Variants in FBXL20 observed in about 807,000 individuals in gnomAD.
FBXL20 encodes the protein F-box and leucine rich repeat protein 20.
In FBXL20, 11 loss-of-function variants were observed where a neutral mutation model predicts 64.0. The ratio of observed to expected loss-of-function variants is 0.17; its 90% CI spans 0.11 to 0.28. The LOEUF is 0.28. Among genes scored for constraint, FBXL20 ranks in the 10% least tolerant of loss-of-function variants. The pLI is 1.00. For missense variants in FBXL20, 303 were observed against 526.2 expected (o/e 0.58, Z 4.15); for synonymous variants, 184 against 189.0 (o/e 0.97, Z 0.22).
At chr17:39,335,141 CA>C (rs1329862935) in intron 2 of FBXL20, among the ~76,000 whole-genome samples, 1 of 152,146 alleles carries the variant, frequency 6.6e-6, no homozygotes, top group Admixed American at 6.6e-5. Flanking sequence ...CAGATAATCT[CA>C]AGTCGTAAAA....
chr17:39,262,260 T>G (rs1184395894), intron 14 of FBXL20, among the ~76,000 whole-genome samples: 1 of 152,080 alleles, frequency 6.6e-6, no homozygotes. Context: ...CTCAAGGCCA[T>G]GTGGCCAACG....
intron 9 of FBXL20, among the ~76,000 whole-genome samples, chr17:39,279,226 A>T (rs1296794893): frequency 1.3e-5 from 2 of 152,110 alleles, no homozygotes; most frequent in African/African-American, 4.8e-5. Flanking sequence ...GGAAGAGCCC[A>T]GGTAGCTCAC....
At chr17:39,277,533 G>T (rs186015917) in intron 9 of FBXL20, among the ~76,000 whole-genome samples, 56 of 152,180 alleles carry the variant, frequency 3.7e-4, no homozygotes, top group Admixed American at 3.3e-3. Context: ...GAGGTGGGCA[G>T]ATCACTTGAG....
chr17:39,343,329 G>GA (rs1488523558), intron 1 of FBXL20, 88 bp from the exon 2 acceptor site: 1 of 901,124 alleles, frequency 1.1e-6, no homozygotes, highest in African/African-American at 1.7e-5. Flanking sequence ...ATTCTCTCAG[G>GA]AAAGAGGTAA....
At chr17:39,339,377 G>C (rs2047560352) in intron 2 of FBXL20, among the ~76,000 whole-genome samples, 1 of 152,082 alleles carries the variant, frequency 6.6e-6, no homozygotes, top group Non-Finnish European at 1.5e-5. Context: ...TGAGATGGAA[G>C]GATCACTTCA....
chr17:39,379,271 T>C (rs1202634133), intron 1 of FBXL20, among the ~76,000 whole-genome samples: 1 of 151,352 alleles, frequency 6.6e-6, no homozygotes, highest in African/African-American at 2.4e-5. Flanking sequence ...AAAATAACAA[T>C]TGTTGGCAGG....
chr17:39,361,888 C>A (rs11869259), intron 1 of FBXL20, among the ~76,000 whole-genome samples: 57,592 of 151,380 alleles, frequency 0.38, 14,051 homozygotes, highest in African/African-American at 0.7. Context: ...GCCCGAGCCC[C>A]GGAGTTCAAG....
chr17:39,328,054 C>G (rs1276338093), intron 2 of FBXL20, among the ~76,000 whole-genome samples: 1 of 151,820 alleles, frequency 6.6e-6, no homozygotes, highest in Middle Eastern at 3.2e-3. Context: ...TTGAGACCAG[C>G]CTGGCCAACA....
At chr17:39,280,690 C>A (rs939612230) in intron 9 of FBXL20, among the ~76,000 whole-genome samples, 1 of 152,100 alleles carries the variant, frequency 6.6e-6, no homozygotes, top group Non-Finnish European at 1.5e-5. Context: ...CACAAAAAAG[C>A]TGATAGTTTG....
chr17:39,368,665 TG>T (rs2047885397), intron 1 of FBXL20, among the ~76,000 whole-genome samples: 1 of 152,140 alleles, frequency 6.6e-6, no homozygotes. Context: ...GTTTGTTTTT[TG>T]TTTTATTGAG....
intron 1 of FBXL20, among the ~76,000 whole-genome samples, chr17:39,380,288 G>C (rs1365650046): frequency 6.6e-6 from 1 of 152,042 alleles, no homozygotes; most frequent in Non-Finnish European, 1.5e-5. Context: ...TGGATTACAA[G>C]GCCATTCATT....
At chr17:39,288,611 T>C (rs1015207601) in intron 6 of FBXL20, among the ~76,000 whole-genome samples, 15 of 152,032 alleles carry the variant, frequency 9.9e-5, no homozygotes, top group Admixed American at 7.2e-4. Flanking sequence ...TCATGGTCCC[T>C]GGCCTTTTCC....
At position 39,302,916 on chromosome 17, in the gene FBXL20, A is replaced by AT. The variant is rs879816100; in HGVS notation, c.159+668dup. On this transcript the variant is annotated intron_variant, in intron 3 of 14. Transcript: ENST00000264658. ...AAGATACTATCATTGCTCTGAAACT[A>AT]TTTTTTTTTTTTTGAGACAGAGTCT... Among the ~76,000 whole-genome samples the AT allele has an allele frequency of 6.3e-3, 892 of 141,514 alleles. 3 individuals are homozygous for AT. Among genetic ancestry groups the AT allele is most frequent in the African/African-American group, 0.016 (603 of 38,738 alleles). 92.8% of individuals were successfully genotyped at this position (141,514 alleles called of 152,430 possible).
At chr17:39,402,128 C>T, upstream of FBXL20, 1 of 1,231,334 alleles carries the variant, frequency 8.1e-7, no homozygotes, top group Non-Finnish European at 1.0e-6. Flanking sequence ...CTGTAAGGCA[C>T]CCGCATCCTT....
intron 1 of FBXL20, among the ~76,000 whole-genome samples, chr17:39,344,583 C>A (rs1040939957): frequency 8.6e-5 from 13 of 151,470 alleles, no homozygotes; most frequent in Admixed American, 6.6e-4. Context: ...GTGAGGAGTT[C>A]GAGACCAGCC....
chr17:39,266,095 C>CA (rs1441410202), intron 12 of FBXL20, among the ~76,000 whole-genome samples: 71 of 111,440 alleles, frequency 6.4e-4, no homozygotes, highest in Non-Finnish European at 1.9e-4. Flanking sequence ...TTTTTTGAGA[C>CA]AGAGTCTCTG....
intron 6 of FBXL20, among the ~76,000 whole-genome samples, chr17:39,286,510 T>G (rs1171728261): frequency 6.6e-6 from 1 of 152,156 alleles, no homozygotes; most frequent in Non-Finnish European, 1.5e-5. Flanking sequence ...CCACTGTGCC[T>G]GGCCCAACAT....
At chr17:39,306,913 T>TA (rs1235617645) in intron 2 of FBXL20, among the ~76,000 whole-genome samples, 2 of 152,204 alleles carry the variant, frequency 1.3e-5, no homozygotes, top group Non-Finnish European at 2.9e-5. Flanking sequence ...AACTGATCTA[T>TA]ATCCTGCAAT....
chr17:39,348,180 C>T (rs1413040078), intron 1 of FBXL20, among the ~76,000 whole-genome samples: 3 of 151,026 alleles, frequency 2.0e-5, no homozygotes, highest in Non-Finnish European at 2.9e-5. Flanking sequence ...GATGATGTCT[C>T]GGCTGAGCGC....
Sources: gnomAD v4.1 joint callset for allele counts (sites outside exome capture counted in the v4.1 genomes callset) on GRCh38, gnomAD v4.1.1 for gene constraint, MANE v1.5 for transcripts, NCBI Gene and HGNC (gene_info 2026-07-23, HGNC 2026-07-21) for gene names.